Variants in NAGS observed in about 807,000 individuals in gnomAD.
NAGS encodes the protein N-acetylglutamate synthase, also known as N-acetylglutamate synthase, mitochondrial.
NAGS carries 34 observed loss-of-function variants against 46.9 expected under a neutral mutation model. That is an observed-to-expected ratio of 0.72 (90% CI 0.55 to 0.97). NAGS has a LOEUF of 0.97. Ranked by LOEUF, NAGS falls within the 50% of genes least tolerant of loss-of-function variation. The pLI is 0.00. For missense variants in NAGS, 665 were observed against 747.0 expected (o/e 0.89, Z 1.28); for synonymous variants, 334 against 346.3 (o/e 0.96, Z 0.39).
rs753318804 is a variant in NAGS at position 44,006,222 on chromosome 17, C to G, written c.900C>G (p.Arg300=). 1 of 1,613,220 alleles carries G rather than the reference C, an allele frequency of 6.2e-7. No individual in the cohort carries two copies. The highest frequency in any genetic ancestry group is 2.2e-5 in the East Asian group (1 of 44,878). ...IIFLNNTGGL[R]DSSHKVLSNV... ...TCCTCAATAACACAGGCGGCCTGCG[C>G]GACAGCAGTCATAAGGTGCGGCCCT... Residue 300 remains arginine, a synonymous_variant, in exon 3 of 7, where the codon CGC becomes CGG. Transcript: ENST00000293404. This position sits in a 1 kb window ranked among gnomAD's most constrained non-coding sequence, Gnocchi z 4.8.
In NAGS at chr17:44,008,856, C is replaced by A; in HGVS notation, c.*255C>A. On this transcript the variant is annotated 3_prime_UTR_variant, in exon 7 of 7. Transcript: ENST00000293404. ...AACCAAATGGCCTTCGATTTTCAAC[C>A]TGGGGATTAGGGGAGGGGAGGGTGC... 1.8e-6 allele frequency: 1 copy of A among 566,240 alleles called. No homozygotes were observed. Among genetic ancestry groups the A allele is most frequent in the Non-Finnish European group, 3.2e-6 (1 of 316,494 alleles). 35.1% of individuals were successfully genotyped at this position (566,240 alleles called of 1,614,324 possible). A position where few individuals can be genotyped will look rare whatever the true frequency, so the allele number is the denominator to read the frequency against.
Position 44,006,580 on chromosome 17 carries a change from G to T in NAGS, c.967G>T (p.Glu323Ter). ...PADLDLVCNA[E>*]WVSTKERQQM... ...CGACCTGGACCTGGTGTGCAACGCC[G>T]AGTGGGTGAGCACAAAAGAACGGCA... Residue 323 changes from glutamate (E) to a stop codon, truncating the protein, a stop_gained, in exon 4 of 7, where the codon GAG becomes TAG. Transcript: ENST00000293404. LOFTEE classifies it high-confidence loss of function. The surrounding 1 kb of genome is among the most constrained non-coding windows in gnomAD (Gnocchi z 4.8). 6.3e-7 allele frequency: 1 copy of T among 1,587,558 alleles called. No individual in the cohort carries two copies. The highest frequency in any genetic ancestry group is 8.6e-7 in the Non-Finnish European group (1 of 1,166,178).
chr17:44,007,760 C>G lies in NAGS; in HGVS notation c.1438C>G (p.Pro480Ala), dbSNP rs772618579. ...TTTCTGGCGCTCCCGGGTCACCAAC[C>G]CCATCAATCCCTGGTAGGTCCTGCC... ...TLFWRSRVTN[P>A]INPWYFKHSD... The change falls in exon 6 of 7, where the codon CCC becomes GCC. Residue 480 changes from proline (P) to alanine (A), a missense_variant. By Grantham distance (27) the Pro-to-Ala change is conservative. Transcript: ENST00000293404. This position sits in a 1 kb window ranked among gnomAD's most constrained non-coding sequence, Gnocchi z 5.1. The G allele has an allele frequency of 5.7e-6, 9 of 1,577,932 alleles. No individual in the cohort carries two copies. The highest frequency in any genetic ancestry group is 1.8e-5 in the Admixed American group (1 of 56,994).
rs909275341 is a variant in NAGS, at chr17:44,004,812, G to A, written c.149G>A (p.Ser50Asn). The A allele has an allele frequency of 1.4e-6, 2 of 1,470,804 alleles. No individual in the cohort carries two copies. The highest frequency in any genetic ancestry group is 1.5e-5 in the African/African-American group (1 of 68,642). 91.1% of individuals were successfully genotyped at this position (1,470,804 alleles called of 1,614,324 possible). Reference sequence around the variant, plus strand: ...GGCACCAGCCCGGGGCGCCGGCTCAGCACCGCCTGGTCGCAGCCCCAGCCC... The same window carrying A: ...GGCACCAGCCCGGGGCGCCGGCTCAACACCGCCTGGTCGCAGCCCCAGCCC... ...ARGTSPGRRL[S>N]TAWSQPQPPP... Residue 50 changes from serine (S) to asparagine (N), a missense_variant, in exon 1 of 7, where the codon AGC becomes AAC. Coordinates refer to ENST00000293404, the MANE Select transcript of NAGS (RefSeq NM_153006.3).
chr17:44,006,377 T>A lies in NAGS; in HGVS notation c.915+140T>A. The stretch of plus-strand genomic sequence containing the variant: ...GCCTAAGGGAGTATAGGGGAGGAGT[T>A]CAGCCCTGGGTGCCCAGATCTGCGC... On this transcript the variant is annotated intron_variant, in intron 3 of 6. Coordinates refer to ENST00000293404, the MANE Select transcript of NAGS (RefSeq NM_153006.3). This position sits in a 1 kb window ranked among gnomAD's most constrained non-coding sequence, Gnocchi z 4.8. 1.4e-6 allele frequency: 2 copies of A among 1,448,380 alleles called. No homozygotes were observed. The highest frequency in any genetic ancestry group is 1.9e-6 in the Non-Finnish European group (2 of 1,057,588). The allele number at this position is 1,448,380 out of a possible 1,614,324, so 89.7% of individuals were successfully genotyped here. A position where few individuals can be genotyped will look rare whatever the true frequency, so the allele number is the denominator to read the frequency against.
chr17:44,006,821 G>GC lies in NAGS; in HGVS notation c.1096+112_1096+113insC. ...TCCTCCTGTCCAGGAGCCGTAGGGG[G>GC]AGGCGGGGGGTGTCACAGCAATGGC... On this transcript the variant is annotated intron_variant, in intron 4 of 6. Coordinates refer to ENST00000293404, the MANE Select transcript of NAGS (RefSeq NM_153006.3). The surrounding 1 kb of genome is among the most constrained non-coding windows in gnomAD (Gnocchi z 4.8). 1 of 1,193,442 alleles carries GC rather than the reference G, an allele frequency of 8.4e-7. No individual in the cohort carries two copies. The highest frequency in any genetic ancestry group is 1.2e-6 in the Non-Finnish European group (1 of 869,244). The allele number at this position is 1,193,442 out of a possible 1,614,324, so 73.9% of individuals were successfully genotyped here. A position where few individuals can be genotyped will look rare whatever the true frequency, so the allele number is the denominator to read the frequency against.
chr17:44,007,944 G>A lies in NAGS; in HGVS notation c.1451+171G>A, dbSNP rs1373308884. ...CCTGAGATTTCCCGAGTTAAAGCAT[G>A]CTTAACACTCCTTTTCTGGCAGCAA... On this transcript the variant is annotated intron_variant, in intron 6 of 6. Transcript: ENST00000293404. This position sits in a 1 kb window ranked among gnomAD's most constrained non-coding sequence, Gnocchi z 5.1. Among the ~76,000 whole-genome samples the A allele has an allele frequency of 6.6e-6, 1 of 152,108 alleles. No individual in the cohort carries two copies. Among genetic ancestry groups the A allele is most frequent in the Non-Finnish European group, 1.5e-5 (1 of 68,012 alleles).
At position 44,007,814 on chromosome 17, in the gene NAGS, T is replaced by A; in HGVS notation, c.1451+41T>A. On this transcript the variant is annotated intron_variant, in intron 6 of 6. Transcript: ENST00000293404. The surrounding 1 kb of genome is among the most constrained non-coding windows in gnomAD (Gnocchi z 5.1). ...CCCAGCTCTGGGCTGGGCCCTGACT[T>A]CCCTCCCCTCTCCCACCCTTGCCAA... 6.4e-7 allele frequency: 1 copy of A among 1,552,526 alleles called. No individual in the cohort carries two copies. The highest frequency in any genetic ancestry group is 8.7e-7 in the Non-Finnish European group (1 of 1,144,436).
In NAGS at chr17:44,006,937, G is replaced by T; in HGVS notation, c.1096+228G>T. 1 of 454,618 alleles carries T rather than the reference G, an allele frequency of 2.2e-6. No individual in the cohort carries two copies. Among genetic ancestry groups the T allele is most frequent in the Non-Finnish European group, 4.1e-6 (1 of 246,200 alleles). 28.2% of individuals were successfully genotyped at this position (454,618 alleles called of 1,614,324 possible). A position where few individuals can be genotyped will look rare whatever the true frequency, so the allele number is the denominator to read the frequency against. Reference sequence around the variant, plus strand: ...CCGAAGGAATTAAAGGAATGGGCGGGACTAGGGGGGAGAAGGAGGGGCCCC... The same window carrying T: ...CCGAAGGAATTAAAGGAATGGGCGGTACTAGGGGGGAGAAGGAGGGGCCCC... On this transcript the variant is annotated intron_variant, in intron 4 of 6. Transcript: ENST00000293404. This position sits in a 1 kb window ranked among gnomAD's most constrained non-coding sequence, Gnocchi z 4.8.
At position 44,004,672 on chromosome 17, in the gene NAGS, G is replaced by A. The variant is rs2049059103; in HGVS notation, c.9G>A (p.Thr3=). The change falls in exon 1 of 7, where the codon ACG becomes ACA. Residue 3 remains threonine (T), a synonymous_variant. Transcript: ENST00000293404. ...AAGAGTTGGTTGTCGTCATGGCGAC[G>A]GCGCTGATGGCTGTGGTTCTGCGGG... MA[T]ALMAVVLRAA... 2 of 1,534,102 alleles carry A rather than the reference G, an allele frequency of 1.3e-6. No homozygotes were observed. Among genetic ancestry groups the A allele is most frequent in the South Asian group, 1.3e-5 (1 of 79,618 alleles).
rs188396451 is a variant in NAGS at position 44,007,889 on chromosome 17, C to T, written c.1451+116C>T. Reference sequence around the variant, plus strand: ...TCTTCTTCCACTGGTCTCCCTTTCACTACCTCCCAGGGGCAGAACACACAG... The same window carrying T: ...TCTTCTTCCACTGGTCTCCCTTTCATTACCTCCCAGGGGCAGAACACACAG... On this transcript the variant is annotated intron_variant, in intron 6 of 6. Coordinates refer to ENST00000293404, the MANE Select transcript of NAGS (RefSeq NM_153006.3). This position sits in a 1 kb window ranked among gnomAD's most constrained non-coding sequence, Gnocchi z 5.1. 181 of 1,077,492 alleles carry T rather than the reference C, an allele frequency of 1.7e-4. 2 individuals carry two copies. In the African/African-American group the frequency reaches 2.6e-3, roughly 15 times the overall value. The allele number at this position is 1,077,492 out of a possible 1,614,324, so 66.7% of individuals were successfully genotyped here.
Position 44,009,000 on chromosome 17 carries a change from CAT to C in NAGS, c.*400_*401del, listed in dbSNP as rs2049128586. ...CCTGCCTGCGTGATATTCTACCATT[CAT>C]TTTAATTCCTTTGGGTCTTGCAGTT... On this transcript the variant is annotated 3_prime_UTR_variant, in exon 7 of 7. Coordinates refer to ENST00000293404, the MANE Select transcript of NAGS (RefSeq NM_153006.3). 4.0e-6 allele frequency: 1 copy of C among 247,522 alleles called. No individual in the cohort carries two copies. The highest frequency in any genetic ancestry group is 5.8e-5 in the South Asian group (1 of 17,154). The allele number at this position is 247,522 out of a possible 1,614,324, so 15.3% of individuals were successfully genotyped here.
Position 44,007,395 on chromosome 17 carries a change from G to A in NAGS, c.1169G>A (p.Arg390His). 3 of 1,613,824 alleles carry A rather than the reference G, an allele frequency of 1.9e-6. No individual in the cohort carries two copies. The highest frequency in any genetic ancestry group is 2.5e-6 in the Non-Finnish European group (3 of 1,179,968). The change falls in exon 5 of 7, where the codon CGT (arginine) becomes CAT (histidine). Residue 390 changes from arginine to histidine, a missense_variant. Arg to His is a conservative substitution (Grantham distance 29). Transcript: ENST00000293404. This position sits in a 1 kb window ranked among gnomAD's most constrained non-coding sequence, Gnocchi z 5.1. ...VRSLDKLDQG[R>H]LVDLVNASFG... is the part of the protein sequence containing the mutation. ...AGCCTGGACAAGCTGGACCAGGGCCGTCTAGTGGACCTGGTCAACGCCAGC... is the reference window on the plus strand; with the variant it reads ...AGCCTGGACAAGCTGGACCAGGGCCATCTAGTGGACCTGGTCAACGCCAGC...
chr17:44,006,969 G>A lies in NAGS; in HGVS notation c.1096+260G>A. 1 of 503,598 alleles carries A rather than the reference G, an allele frequency of 2.0e-6. No homozygotes were observed. Among genetic ancestry groups the A allele is most frequent in the Non-Finnish European group, 3.4e-6 (1 of 294,238 alleles). The allele number at this position is 503,598 out of a possible 1,614,324, so 31.2% of individuals were successfully genotyped here. Reference sequence around the variant, plus strand: ...GGGGAGAAGGAGGGGCCCCCCGGTGGGCGGGGCCAGGGGCGGGACCATAAG... The same window carrying A: ...GGGGAGAAGGAGGGGCCCCCCGGTGAGCGGGGCCAGGGGCGGGACCATAAG... On this transcript the variant is annotated intron_variant, in intron 4 of 6. Transcript: ENST00000293404. This position sits in a 1 kb window ranked among gnomAD's most constrained non-coding sequence, Gnocchi z 4.8.
At position 44,005,749 on chromosome 17, in the gene NAGS, C is replaced by T. The variant is rs762293568; in HGVS notation, c.539C>T (p.Pro180Leu). ...CTGGTGGTCCTGGGGCTGCCGGCCC[C>T]TACGGCTCCCTCGGGCTGTCTTTCC... ...KPLVVLGLPA[P>L]TAPSGCLSFW... The change falls in exon 2 of 7, where the codon CCT (proline) becomes CTT (leucine). Residue 180 changes from proline to leucine, a missense_variant. Physicochemically the swap from Pro to Leu is moderately conservative, Grantham distance 98 (BLOSUM62 -3). Coordinates refer to ENST00000293404, the MANE Select transcript of NAGS (RefSeq NM_153006.3). The surrounding 1 kb of genome is among the most constrained non-coding windows in gnomAD (Gnocchi z 7.2). 6.3e-7 allele frequency: 1 copy of T among 1,591,252 alleles called. No individual in the cohort carries two copies. The highest frequency in any genetic ancestry group is 1.1e-5 in the South Asian group (1 of 87,474).
Position 44,005,077 on chromosome 17 carries a change from C to T in NAGS, c.414C>T (p.Phe138=), listed in dbSNP as rs535765680. The change falls in exon 1 of 7, where the codon TTC becomes TTT. Residue 138 remains phenylalanine, a synonymous_variant. Coordinates refer to ENST00000293404, the MANE Select transcript of NAGS (RefSeq NM_153006.3). This position sits in a 1 kb window ranked among gnomAD's most constrained non-coding sequence, Gnocchi z 7.2. ...GCCATCACTCCGCGGACAAGCCCTTCGCCGTCATCGAGGTGAGCGGAGCCC... is the reference window on the plus strand; with the variant it reads ...GCCATCACTCCGCGGACAAGCCCTTTGCCGTCATCGAGGTGAGCGGAGCCC... The part of the protein sequence containing the change: ...QTCHHSADKP[F]AVIEVDEEVL... The T allele has an allele frequency of 1.1e-5, 17 of 1,571,750 alleles. No homozygotes were observed. In the African/African-American group the frequency reaches 2.0e-4, roughly 19 times the overall value.
rs566997932 is a variant in NAGS at position 44,007,046 on chromosome 17, C to G, written c.1097-277C>G. 9 of 576,860 alleles carry G rather than the reference C, an allele frequency of 1.6e-5. No individual in the cohort carries two copies. The South Asian group carries it at 1.7e-4, about 11-fold the overall frequency. The allele number at this position is 576,860 out of a possible 1,614,324, so 35.7% of individuals were successfully genotyped here. A position where few individuals can be genotyped will look rare whatever the true frequency, so the allele number is the denominator to read the frequency against. ...CGGGGCTTAGGTGGGTGGGCCGGGT[C>G]AGCGGCGGGAGACAGACTTCAAGGA... On this transcript the variant is annotated intron_variant, in intron 4 of 6. Coordinates refer to ENST00000293404, the MANE Select transcript of NAGS (RefSeq NM_153006.3). The surrounding 1 kb of genome is among the most constrained non-coding windows in gnomAD (Gnocchi z 5.1).
In NAGS at chr17:44,006,178, C is replaced by G; in HGVS notation, c.856C>G (p.Arg286Gly). The G allele has an allele frequency of 1.9e-6, 3 of 1,613,412 alleles. No individual in the cohort carries two copies. In the South Asian group the frequency reaches 3.3e-5, roughly 18 times the overall value. Reference protein sequence around the residue: ...EVTASLAKALRPTKIIFLNNT... With the variant: ...EVTASLAKALGPTKIIFLNNT... ...GACCGCGTCGCTGGCCAAGGCGCTG[C>G]GGCCCACCAAAATCATCTTCCTCAA... The change falls in exon 3 of 7, where the codon CGG becomes GGG. Residue 286 changes from arginine (R) to glycine (G), a missense_variant. Coordinates refer to ENST00000293404, the MANE Select transcript of NAGS (RefSeq NM_153006.3). This position sits in a 1 kb window ranked among gnomAD's most constrained non-coding sequence, Gnocchi z 4.8.
rs757277488 is a variant in NAGS at position 44,005,083 on chromosome 17, C to T, written c.420C>T (p.Val140=). The change falls in exon 1 of 7, where the codon GTC becomes GTT. Residue 140 remains valine (V), a synonymous_variant. Transcript: ENST00000293404. The surrounding 1 kb of genome is among the most constrained non-coding windows in gnomAD (Gnocchi z 7.2). ...ACTCCGCGGACAAGCCCTTCGCCGT[C>T]ATCGAGGTGAGCGGAGCCCGGCGTG... ...CHHSADKPFA[V]IEVDEEVLKC... 1 of 1,570,756 alleles carries T rather than the reference C, an allele frequency of 6.4e-7. No homozygotes were observed. The highest frequency in any genetic ancestry group is 1.2e-5 in the South Asian group (1 of 86,738).
Sources: gnomAD v4.1 joint callset for allele counts (sites outside exome capture counted in the v4.1 genomes callset) on GRCh38, gnomAD v4.1.1 for gene constraint, Gnocchi (gnomAD v3.1) non-coding constraint, MANE v1.5 for transcripts, NCBI Gene and HGNC (gene_info 2026-07-23, HGNC 2026-07-21) for gene names.